Variants in SNRPD1 observed in about 807,000 individuals in gnomAD.
SNRPD1 encodes the protein small nuclear ribonucleoprotein Sm D1.
SNRPD1 carries 1 observed loss-of-function variant against 14.4 expected under a neutral mutation model. The observed-to-expected ratio is 0.07, with a 90% CI of 0.02 to 0.33. SNRPD1 has a LOEUF of 0.33. Among genes scored for constraint, SNRPD1 ranks in the 10% least tolerant of loss-of-function variants. The pLI is 1.00. For synonymous variants in SNRPD1, 42 were observed against 50.3 expected, an observed-to-expected ratio of 0.83 and a Z score of 0.70; for missense variants, 52 against 146.4, an observed-to-expected ratio of 0.36 and a Z score of 3.33.
At chr18:21,620,682 G>T (rs953903954) in intron 1 of SNRPD1, among the ~76,000 whole-genome samples, 42 of 152,084 alleles carry the variant, frequency 2.8e-4, no homozygotes, top group Admixed American at 2.8e-3. Context: ...GGTAAATTAT[G>T]TATCCCAGGA....
intron 3 of SNRPD1, among the ~76,000 whole-genome samples, chr18:21,628,062 G>T (rs2039054049): frequency 6.6e-6 from 1 of 152,098 alleles, no homozygotes; most frequent in South Asian, 2.1e-4. Flanking sequence ...GCTTAGAATG[G>T]TAAGACTAGA....
chr18:21,615,233 C>A (rs1345278296), intron 1 of SNRPD1, among the ~76,000 whole-genome samples: 1 of 152,190 alleles, frequency 6.6e-6, no homozygotes, highest in African/African-American at 2.4e-5. Context: ...CTTTTAGTTA[C>A]ATGTTTTTGA....
At chr18:21,622,243 C>T (rs185376196) in intron 1 of SNRPD1, among the ~76,000 whole-genome samples, 64 of 152,000 alleles carry the variant, frequency 4.2e-4, no homozygotes, top group East Asian at 1.7e-3. Flanking sequence ...AGGTTCACCC[C>T]ATTCTCCTGC....
At chr18:21,621,439 C>T (rs2038997158) in intron 1 of SNRPD1, among the ~76,000 whole-genome samples, 1 of 152,118 alleles carries the variant, frequency 6.6e-6, no homozygotes, top group African/African-American at 2.4e-5. Context: ...CTTGCCCTGT[C>T]ACTCAGGCTG....
intron 1 of SNRPD1, among the ~76,000 whole-genome samples, chr18:21,616,614 C>T (rs544201442): frequency 2.6e-5 from 4 of 152,138 alleles, no homozygotes; most frequent in Admixed American, 2.0e-4. Context: ...CCTTGGCCTC[C>T]CAAAGTACTG....
chr18:21,615,627 GAAAA>G (rs542184221), intron 1 of SNRPD1, among the ~76,000 whole-genome samples: 398 of 147,404 alleles, frequency 2.7e-3, no homozygotes, highest in Non-Finnish European at 4.8e-3. Context: ...CAAAAAAAAA[GAAAA>G]AAGAAAAAAA....
At chr18:21,614,355 C>T (rs953853512) in intron 1 of SNRPD1, among the ~76,000 whole-genome samples, 1 of 152,146 alleles carries the variant, frequency 6.6e-6, no homozygotes, top group Non-Finnish European at 1.5e-5. Flanking sequence ...TGTAATACAC[C>T]TTGGATTCCA....
rs1171292911 is a variant in SNRPD1 at position 21,632,821 on chromosome 18, G to GTTTTT, written c.*3687_*3691dup. ...AATGAGATGTTACATATGAACTTTAGTTTTTTTTCTTTTCTTTTCTTTTCT... is the reference window on the plus strand; with the variant it reads ...AATGAGATGTTACATATGAACTTTAGTTTTTTTTTTTTTCTTTTCTTTTCTTTTCT... On this transcript the variant is annotated 3_prime_UTR_variant, in exon 4 of 4. Transcript: ENST00000300413. The GTTTTT allele has an allele frequency of 6.6e-6, 1 of 151,154 alleles. No homozygotes were observed. The highest frequency in any genetic ancestry group is 2.1e-4 in the South Asian group (1 of 4,818). 9.4% of individuals were successfully genotyped at this position (151,154 alleles called of 1,614,324 possible). A position where few individuals can be genotyped will look rare whatever the true frequency, so the allele number is the denominator to read the frequency against.
At chr18:21,622,093 T>G (rs2039002103) in intron 1 of SNRPD1, among the ~76,000 whole-genome samples, 1 of 152,144 alleles carries the variant, frequency 6.6e-6, no homozygotes, top group African/African-American at 2.4e-5. Flanking sequence ...TTTTACTTTA[T>G]AGGCATTATA....
At chr18:21,620,836 A>G (rs972398105) in intron 1 of SNRPD1, among the ~76,000 whole-genome samples, 4 of 152,188 alleles carry the variant, frequency 2.6e-5, no homozygotes, top group East Asian at 3.8e-4. Flanking sequence ...GTGAACAGGT[A>G]ATTCACGGAA....
chr18:21,614,568 G>A (rs1221158025), intron 1 of SNRPD1, among the ~76,000 whole-genome samples: 2 of 152,156 alleles, frequency 1.3e-5, no homozygotes, highest in Non-Finnish European at 1.5e-5. Flanking sequence ...TCAGTTGGCA[G>A]CATTGTCATC....
chr18:21,629,544 G>A lies in SNRPD1; in HGVS notation c.*406G>A, dbSNP rs974186803. 6.2e-6 allele frequency: 1 copy of A among 161,974 alleles called. No homozygotes were observed. The highest frequency in any genetic ancestry group is 2.4e-5 in the African/African-American group (1 of 41,528). 10.0% of individuals were successfully genotyped at this position (161,974 alleles called of 1,614,324 possible). On this transcript the variant is annotated 3_prime_UTR_variant, in exon 4 of 4. Coordinates refer to ENST00000300413, the MANE Select transcript of SNRPD1 (RefSeq NM_006938.4). ...GAAGATTTATGGACAGAAGGAAAGT[G>A]ATGTATGGAAAATGGAAGTGAGATA...
chr18:21,628,538 G>A (rs2039057243), intron 3 of SNRPD1, among the ~76,000 whole-genome samples: 1 of 152,104 alleles, frequency 6.6e-6, no homozygotes, highest in Non-Finnish European at 1.5e-5. Flanking sequence ...TTACTATTTG[G>A]ATTAAAGCAC....
chr18:21,624,057 T>C, intron 3 of SNRPD1, 118 bp downstream of exon 3: 2 of 666,516 alleles, frequency 3.0e-6, no homozygotes, highest in South Asian at 2.0e-5. Context: ...TTTCCTATAG[T>C]ATGTATAGTA....
Position 21,630,478 on chromosome 18 carries a change from T to G in SNRPD1, c.*1340T>G, listed in dbSNP as rs2039073412. 1 of 152,066 alleles carries G rather than the reference T, an allele frequency of 6.6e-6. No homozygotes were observed. Among genetic ancestry groups the G allele is most frequent in the African/African-American group, 2.4e-5 (1 of 41,414 alleles). 9.4% of individuals were successfully genotyped at this position (152,066 alleles called of 1,614,324 possible). A position where few individuals can be genotyped will look rare whatever the true frequency, so the allele number is the denominator to read the frequency against. On this transcript the variant is annotated 3_prime_UTR_variant, in exon 4 of 4. Coordinates refer to ENST00000300413, the MANE Select transcript of SNRPD1 (RefSeq NM_006938.4). ...CAAAGATCGTTACCTTAAAAAAGTT[T>G]AGCCTGGGTGTGGTGGCTCACGCCT...
At chr18:21,618,488 T>G (rs1486649314) in intron 1 of SNRPD1, among the ~76,000 whole-genome samples, 2 of 151,794 alleles carry the variant, frequency 1.3e-5, no homozygotes, top group East Asian at 3.9e-4. Context: ...CTTCCAAAAA[T>G]GATTTGAAGA....
At chr18:21,612,930 T>G (rs1182576508) in intron 1 of SNRPD1, among the ~76,000 whole-genome samples, 4 of 152,214 alleles carry the variant, frequency 2.6e-5, no homozygotes, top group Non-Finnish European at 5.9e-5. Flanking sequence ...CTCGAACTCC[T>G]GGGCTCAAGC....
chr18:21,618,714 A>T (rs2038975560), intron 1 of SNRPD1, among the ~76,000 whole-genome samples: 1 of 152,158 alleles, frequency 6.6e-6, no homozygotes, highest in Non-Finnish European at 1.5e-5. Flanking sequence ...ATAAAAAGAG[A>T]TTCAACTCAT....
rs552729648 is a variant in SNRPD1 at position 21,627,027 on chromosome 18, G to A, written c.284-2035G>A. On this transcript the variant is annotated intron_variant, in intron 3 of 3. Coordinates refer to ENST00000300413, the MANE Select transcript of SNRPD1 (RefSeq NM_006938.4). Reference sequence around the variant, plus strand: ...GCAGCAGCTGGGCGCGGTGGCTCACGCCTGTAACCCCAGCACTTTGGAAGG... The same window carrying A: ...GCAGCAGCTGGGCGCGGTGGCTCACACCTGTAACCCCAGCACTTTGGAAGG... 6.7e-5 allele frequency among the ~76,000 whole-genome samples: 10 copies of A among 149,060 alleles called. No homozygotes were observed. The South Asian group carries it at 1.3e-3, about 19-fold the overall frequency.
Sources: allele counts gnomAD v4.1 joint callset (sites outside exome capture counted in the v4.1 genomes callset), GRCh38; gene constraint gnomAD v4.1.1; transcripts MANE v1.5; gene names NCBI Gene and HGNC (gene_info 2026-07-23, HGNC 2026-07-21).